The following BICDL1 variants were observed in gnomAD, a reference collection of about 807,000 sequenced individuals.
BICDL1 encodes the protein BICD family-like cargo adapter 1.
In BICDL1, 20 loss-of-function variants were observed where a neutral mutation model predicts 76.8. The observed-to-expected ratio is 0.26, with a 90% confidence interval of 0.18 to 0.38. The LOEUF is 0.38. Among genes scored for constraint, BICDL1 ranks in the 10% least tolerant of loss-of-function variants. The pLI is 1.00. For synonymous variants in BICDL1, 383 were observed against 337.1 expected, an observed-to-expected ratio of 1.14 and a Z score of -1.49; for missense variants, 700 against 798.6, an observed-to-expected ratio of 0.88 and a Z score of 1.49.
intron 2 of BICDL1, among the ~76,000 whole-genome samples, chr12:120,048,393 C>T (rs1461884741): frequency 6.6e-6 from 1 of 152,172 alleles, no homozygotes; most frequent in African/African-American, 2.4e-5. Context: ...TAGCCTTTCA[C>T]TGTCAAGTGC....
intron 2 of BICDL1, among the ~76,000 whole-genome samples, chr12:120,036,678 C>T (rs1952536383): frequency 6.6e-6 from 1 of 152,160 alleles, no homozygotes; most frequent in Non-Finnish European, 1.5e-5. Flanking sequence ...GAGTTCAAGA[C>T]CAGCCTGGCC....
chr12:120,080,659 T>C, intron 7 of BICDL1: 1 of 403,240 alleles, frequency 2.5e-6, no homozygotes, highest in East Asian at 4.6e-5. Flanking sequence ...CAGAGCTAAA[T>C]TCCCCCCAGC....
chr12:119,990,613 G>A (rs1951500905), intron 1 of BICDL1, among the ~76,000 whole-genome samples: 1 of 152,222 alleles, frequency 6.6e-6, no homozygotes. Context: ...TCTGCATACA[G>A]AGAAATGAGG....
chr12:120,072,965 G>A (rs1296283672), intron 6 of BICDL1, among the ~76,000 whole-genome samples: 2 of 152,178 alleles, frequency 1.3e-5, no homozygotes, highest in Non-Finnish European at 2.9e-5. Flanking sequence ...CTGCCTCTCA[G>A]GTTCAAGTGA....
intron 2 of BICDL1, among the ~76,000 whole-genome samples, chr12:120,017,997 G>A (rs758369480): frequency 6.6e-6 from 1 of 152,122 alleles, no homozygotes; most frequent in South Asian, 2.1e-4. Flanking sequence ...ATATCTACCC[G>A]TTTCCTTTGG....
chr12:120,057,905 G>A (rs561684064), intron 2 of BICDL1, among the ~76,000 whole-genome samples: 4 of 139,296 alleles, frequency 2.9e-5, no homozygotes, highest in South Asian at 4.9e-4. Context: ...ATCTCGGCAC[G>A]CTGCAAGCTC....
chr12:120,026,858 A>G (rs1050855818), intron 2 of BICDL1, among the ~76,000 whole-genome samples: 4 of 152,036 alleles, frequency 2.6e-5, no homozygotes, highest in African/African-American at 9.7e-5. Flanking sequence ...TGGCATGACA[A>G]AGACTTGGCA....
At chr12:120,050,558 C>T (rs1044380047) in intron 2 of BICDL1, among the ~76,000 whole-genome samples, 23 of 151,946 alleles carry the variant, frequency 1.5e-4, no homozygotes, top group African/African-American at 2.7e-4. Context: ...TGAGCCACCA[C>T]GCCTGGCCTA....
intron 9 of BICDL1, among the ~76,000 whole-genome samples, chr12:120,090,537 G>A (rs991176723): frequency 6.6e-6 from 1 of 152,234 alleles, no homozygotes; most frequent in African/African-American, 2.4e-5. Context: ...TGGGGAAGAG[G>A]AGTCAGTGGG....
chr12:120,042,804 CAAAA>C (rs538558620), intron 2 of BICDL1, among the ~76,000 whole-genome samples: 2 of 120,696 alleles, frequency 1.7e-5, no homozygotes, highest in Non-Finnish European at 3.6e-5. Flanking sequence ...GACTCCCCCT[CAAAA>C]AAAAAAAAAA....
At chr12:120,089,332 C>T (rs934263003) in intron 8 of BICDL1, among the ~76,000 whole-genome samples, 6 of 149,228 alleles carry the variant, frequency 4.0e-5, no homozygotes, top group South Asian at 4.2e-4. Context: ...GCTCTTTCAA[C>T]GTGTGTGTGG....
intron 1 of BICDL1, among the ~76,000 whole-genome samples, chr12:119,992,047 C>T (rs1046508967): frequency 1.3e-5 from 2 of 152,152 alleles, no homozygotes; most frequent in African/African-American, 4.8e-5. Flanking sequence ...AGTCGCACAA[C>T]AATGTGAATA....
intron 9 of BICDL1, 114 bp downstream of exon 9, chr12:120,090,185 G>A (rs1020399254): frequency 2.4e-6 from 3 of 1,227,282 alleles, no homozygotes; most frequent in Non-Finnish European, 3.4e-6. Flanking sequence ...TGGGTGAACA[G>A]CACATCCCAG....
chr12:120,068,614 G>A (rs956818294), intron 4 of BICDL1, among the ~76,000 whole-genome samples: 16 of 152,206 alleles, frequency 1.1e-4, no homozygotes, highest in Admixed American at 9.2e-4. Context: ...TCAGGAGTTC[G>A]AGACCAGCCT....
intron 2 of BICDL1, among the ~76,000 whole-genome samples, chr12:120,030,362 A>G (rs148763558): frequency 6.6e-6 from 1 of 152,348 alleles, no homozygotes; most frequent in East Asian, 1.9e-4. Flanking sequence ...ATTAAACCCA[A>G]GAAAGAGCCT....
intron 8 of BICDL1, among the ~76,000 whole-genome samples, chr12:120,088,716 C>A (rs189869030): frequency 6.7e-6 from 1 of 148,256 alleles, no homozygotes; most frequent in Non-Finnish European, 1.5e-5. Context: ...ACCCAGGCTG[C>A]AGTGCAGTGG....
At position 120,071,592 on chromosome 12, in the gene BICDL1, A is replaced by G; in HGVS notation, c.910-30A>G. 1 of 1,569,390 alleles carries G rather than the reference A, an allele frequency of 6.4e-7. No individual in the cohort carries two copies. Among genetic ancestry groups the G allele is most frequent in the Non-Finnish European group, 8.6e-7 (1 of 1,156,730 alleles). ...TTTGTCTTGGTTTTTGTGTTTGGTA[A>G]ACCTCAACCATTTGCTCTTTCTTTG... On this transcript the variant is annotated intron_variant, in intron 4 of 9. Coordinates refer to ENST00000548673, the MANE Select transcript of BICDL1 (RefSeq NM_001367886.1). This position sits in a 1 kb window ranked among gnomAD's most constrained non-coding sequence, Gnocchi z 4.8.
In BICDL1 at chr12:120,071,904, T is replaced by C; in HGVS notation, c.1089+103T>C. The C allele has an allele frequency of 7.0e-7, 1 of 1,422,686 alleles. No individual in the cohort carries two copies. The highest frequency in any genetic ancestry group is 9.2e-7 in the Non-Finnish European group (1 of 1,089,998). 88.1% of individuals were successfully genotyped at this position (1,422,686 alleles called of 1,614,324 possible). A position where few individuals can be genotyped will look rare whatever the true frequency, so the allele number is the denominator to read the frequency against. On this transcript the variant is annotated intron_variant, in intron 5 of 9. Transcript: ENST00000548673. This position sits in a 1 kb window ranked among gnomAD's most constrained non-coding sequence, Gnocchi z 4.8. ...TGCCATCCTGGCAAGGCTGTGCCCC[T>C]GTGCCTGTGTCAGCCCCTTGGCCTG...
intron 2 of BICDL1, among the ~76,000 whole-genome samples, chr12:120,002,375 C>T (rs547252989): frequency 7.2e-5 from 11 of 152,250 alleles, no homozygotes; most frequent in Middle Eastern, 3.4e-3. Flanking sequence ...CCAACAGATA[C>T]AACTCTTGGA....
Sources: allele counts gnomAD v4.1 joint callset (sites outside exome capture counted in the v4.1 genomes callset), GRCh38; gene constraint gnomAD v4.1.1; non-coding constraint Gnocchi (gnomAD v3.1); transcripts MANE v1.5; gene names NCBI Gene and HGNC (gene_info 2026-07-23, HGNC 2026-07-21).